Variants in TNFAIP8 observed in about 807,000 individuals in gnomAD.
The protein encoded by TNFAIP8 is TNF alpha induced protein 8.
A neutral mutation model predicts 13.3 loss-of-function variants in TNFAIP8; 7 were observed. The observed-to-expected ratio is 0.52, with a 90% CI of 0.30 to 0.99. TNFAIP8 has a LOEUF of 0.99. Among genes scored for constraint, TNFAIP8 ranks in the 50% least tolerant of loss-of-function variants. TNFAIP8 has a pLI of 0.07. For missense variants in TNFAIP8, 258 were observed against 236.9 expected (o/e 1.09, Z -0.58); for synonymous variants, 94 against 87.6 (o/e 1.07, Z -0.41).
At chr5:119,271,152 G>GT (rs1279837720) in intron 1 of TNFAIP8, among the ~76,000 whole-genome samples, 4 of 152,232 alleles carry the variant, frequency 2.6e-5, no homozygotes, top group Non-Finnish European at 5.9e-5. Context: ...CAGGAACAGA[G>GT]TATTTTATGA....
At chr5:119,351,037 G>T (rs71585213), upstream of TNFAIP8, among the ~76,000 whole-genome samples, 14 of 122,232 alleles carry the variant, frequency 1.1e-4, no homozygotes, top group East Asian at 1.1e-3. Context: ...TGTGTGTGTA[G>T]AGAGAGAGAG....
chr5:119,354,081 G>A (rs987596191), upstream of TNFAIP8, among the ~76,000 whole-genome samples: 7 of 152,190 alleles, frequency 4.6e-5, no homozygotes, highest in African/African-American at 1.7e-4. Context: ...AGCCACTTGT[G>A]ACTGGTGAGG....
chr5:119,386,846 G>C (rs1157345219), intron 1 of TNFAIP8, among the ~76,000 whole-genome samples: 1 of 152,154 alleles, frequency 6.6e-6, no homozygotes, highest in Non-Finnish European at 1.5e-5. Flanking sequence ...CCTGGCACTT[G>C]TCTTCTCTCT....
intron 1 of TNFAIP8, among the ~76,000 whole-genome samples, chr5:119,275,281 G>GA (rs1372282075): frequency 6.6e-6 from 1 of 152,162 alleles, no homozygotes; most frequent in African/African-American, 2.4e-5. Flanking sequence ...TGAAGGCCAT[G>GA]AAACAGAGAC....
rs554615906 is a variant in TNFAIP8 at position 119,344,087 on chromosome 5, T to C, written c.2-48729T>C. On this transcript the variant is annotated intron_variant, in intron 1 of 1. Transcript: ENST00000274456. ...GAAGTTGGTACTTCAGCTGGTGTAT[T>C]AGTCTGTTTTGCATTGCCAAAAAGA... Among the ~76,000 whole-genome samples the C allele has an allele frequency of 3.3e-5, 5 of 152,330 alleles. No homozygotes were observed. In the South Asian group the frequency reaches 1.0e-3, roughly 32 times the overall value.
chr5:119,339,129 T>A (rs1274315226), intron 1 of TNFAIP8, among the ~76,000 whole-genome samples: 1 of 152,200 alleles, frequency 6.6e-6, no homozygotes, highest in African/African-American at 2.4e-5. Flanking sequence ...TTGATAAAAT[T>A]CTACAGCAAT....
chr5:119,297,511 G>A (rs1354927551), intron 1 of TNFAIP8, among the ~76,000 whole-genome samples: 1 of 152,104 alleles, frequency 6.6e-6, no homozygotes, highest in African/African-American at 2.4e-5. Context: ...TTGCTGAGGA[G>A]AGCTTTACTT....
rs568364049 is a variant in TNFAIP8, at chr5:119,388,166, G to A, written c.32-4650G>A. On this transcript the variant is annotated intron_variant, in intron 1 of 1. Transcript: ENST00000504771. ...CACCTTGCTTTTACTCTAAATATTT[G>A]CATTATTGTCCTTGGATGTTTTCCC... Among the ~76,000 whole-genome samples the A allele has an allele frequency of 7.5e-4, 114 of 152,246 alleles. 1 individual carries two copies. Among genetic ancestry groups the A allele is most frequent in the African/African-American group, 2.6e-3 (108 of 41,546 alleles).
intron 1 of TNFAIP8, among the ~76,000 whole-genome samples, chr5:119,367,395 G>A (rs1470995679): frequency 6.6e-6 from 1 of 152,172 alleles, no homozygotes; most frequent in African/African-American, 2.4e-5. Context: ...TTGTCGTAGA[G>A]GATGGGAGGG....
intron 1 of TNFAIP8, among the ~76,000 whole-genome samples, chr5:119,386,974 C>T (rs115083376): frequency 2.2e-5 from 3 of 133,434 alleles, no homozygotes; most frequent in African/African-American, 8.3e-5. Flanking sequence ...TCCCTCCCTC[C>T]CTCCCTCTCT....
At chr5:119,349,357 C>T (rs1581628658) in intron 1 of TNFAIP8, among the ~76,000 whole-genome samples, 1 of 152,208 alleles carries the variant, frequency 6.6e-6, no homozygotes, top group African/African-American at 2.4e-5. Flanking sequence ...CTCATTTCAT[C>T]ATTATAACAA....
At chr5:119,382,785 A>T (rs754784063) in intron 1 of TNFAIP8, among the ~76,000 whole-genome samples, 2 of 152,228 alleles carry the variant, frequency 1.3e-5, no homozygotes, top group Non-Finnish European at 2.9e-5. Flanking sequence ...CGGTGCTTGC[A>T]ATTACCATAA....
At chr5:119,317,955 G>C (rs1261233692) in intron 1 of TNFAIP8, among the ~76,000 whole-genome samples, 1 of 152,154 alleles carries the variant, frequency 6.6e-6, no homozygotes, top group Admixed American at 6.5e-5. Context: ...CACTTTTCCA[G>C]AGTGTGGGAC....
intron 1 of TNFAIP8, among the ~76,000 whole-genome samples, chr5:119,312,142 T>C (rs1749750107): frequency 6.6e-6 from 1 of 152,176 alleles, no homozygotes; most frequent in African/African-American, 2.4e-5. Context: ...TTTAAAACTT[T>C]GGGAAAAAAA....
At chr5:119,367,598 AT>A (rs1356880602) in intron 1 of TNFAIP8, among the ~76,000 whole-genome samples, 1 of 152,216 alleles carries the variant, frequency 6.6e-6, no homozygotes, top group Non-Finnish European at 1.5e-5. Flanking sequence ...TTTTAAAAAA[AT>A]GTTTGATGTT....
At chr5:119,333,399 C>T (rs250306) in intron 1 of TNFAIP8, 267,837 of 1,343,212 alleles carry the variant, frequency 0.2, 29,950 homozygotes, top group East Asian at 0.51. Flanking sequence ...CTGTAGTTGA[C>T]CAGTGCCTTC....
At chr5:119,307,605 A>G (rs35113297) in intron 1 of TNFAIP8, among the ~76,000 whole-genome samples, 21,288 of 152,146 alleles carry the variant, frequency 0.14, 3,989 homozygotes, top group African/African-American at 0.43. Context: ...TAAGGTGCAT[A>G]TTTTTCATTT....
chr5:119,328,265 G>T (rs1432636353), intron 1 of TNFAIP8, among the ~76,000 whole-genome samples: 3 of 151,804 alleles, frequency 2.0e-5, no homozygotes, highest in Admixed American at 6.6e-5. Flanking sequence ...GAGACAACTC[G>T]GCCTCCCAAA....
chr5:119,327,732 T>G (rs1750264149), intron 1 of TNFAIP8, among the ~76,000 whole-genome samples: 1 of 152,176 alleles, frequency 6.6e-6, no homozygotes, highest in South Asian at 2.1e-4. Flanking sequence ...GTGCTGGGAT[T>G]ACACGTGTGA....
Sources: gnomAD v4.1 joint callset for allele counts (sites outside exome capture counted in the v4.1 genomes callset) on GRCh38, gnomAD v4.1.1 for gene constraint, MANE v1.5 for transcripts, NCBI Gene and HGNC (gene_info 2026-07-23, HGNC 2026-07-21) for gene names.